MYO3B: variants seen among roughly 807,000 people sequenced by gnomAD.
MYO3B encodes the protein myosin IIIB.
MYO3B carries 156 observed loss-of-function variants against 174.6 expected under a neutral mutation model. That is an observed-to-expected ratio of 0.89 (90% CI 0.78 to 1.02). The LOEUF (loss-of-function observed/expected upper bound fraction) is 1.02, where lower values mean the gene tolerates loss of function less well. Ranked by LOEUF, MYO3B falls within the 50% of genes least tolerant of loss-of-function variation. The probability of loss-of-function intolerance (pLI) is 0.00; values close to 1 mark genes in which losing one functional copy is unlikely to be tolerated. For synonymous variants in MYO3B, 563 were observed against 569.1 expected (o/e 0.99, Z 0.15); for missense variants, 1,632 against 1,639.4 (o/e 1.00, Z 0.08).
intron 7 of MYO3B, among the ~76,000 whole-genome samples, chr2:170,263,909 A>G (rs907105323): frequency 6.6e-6 from 1 of 152,164 alleles, no homozygotes; most frequent in Non-Finnish European, 1.5e-5. Flanking sequence ...CCGTGAGGCC[A>G]TATCTCAGGC....
chr2:170,557,955 G>C (rs1225863731), intron 32 of MYO3B, among the ~76,000 whole-genome samples: 1 of 151,806 alleles, frequency 6.6e-6, no homozygotes, highest in Non-Finnish European at 1.5e-5. Context: ...GTTATTTTTG[G>C]TTTTGCCTTT....
At chr2:170,275,577 A>G (rs578256149) in intron 7 of MYO3B, among the ~76,000 whole-genome samples, 8 of 152,322 alleles carry the variant, frequency 5.3e-5, no homozygotes, top group African/African-American at 1.4e-4. Flanking sequence ...GCTGAGTACT[A>G]GCTTACTTTA....
In MYO3B at chr2:170,401,656, C is replaced by T. The variant is rs1226580394; in HGVS notation, c.2094C>T (p.Arg698=). The change falls in exon 18 of 35, where the codon CGC becomes CGT. Residue 698 remains arginine (R), a synonymous_variant. Coordinates refer to ENST00000408978, the MANE Select transcript of MYO3B (RefSeq NM_138995.5). ...YGRLFSWIVN[R]INTLLQPDEN... ...GGCTCTTCAGCTGGATTGTGAATCG[C>T]ATTAATACACTCCTGCAGCCAGACG... The T allele has an allele frequency of 6.2e-7, 1 of 1,613,936 alleles. No individual in the cohort carries two copies. The highest frequency in any genetic ancestry group is 8.5e-7 in the Non-Finnish European group (1 of 1,180,030).
chr2:170,612,569 T>C (rs1280360102), intron 32 of MYO3B, among the ~76,000 whole-genome samples: 3 of 152,114 alleles, frequency 2.0e-5, no homozygotes, highest in African/African-American at 7.2e-5. Context: ...GAATAAGCAC[T>C]GAATAAAATC....
At chr2:170,404,971 C>A (rs1191461668) in intron 20 of MYO3B, among the ~76,000 whole-genome samples, 1 of 152,228 alleles carries the variant, frequency 6.6e-6, no homozygotes, top group Non-Finnish European at 1.5e-5. Context: ...TTTTTCACAA[C>A]CTTTGTTCCT....
At chr2:170,621,913 T>G (rs1695953656) in intron 32 of MYO3B, among the ~76,000 whole-genome samples, 1 of 152,180 alleles carries the variant, frequency 6.6e-6, no homozygotes, top group African/African-American at 2.4e-5. Flanking sequence ...TTTTCCCACC[T>G]GTCCCCTAGA....
intron 30 of MYO3B, among the ~76,000 whole-genome samples, chr2:170,536,870 C>T (rs948853613): frequency 1.3e-5 from 2 of 151,918 alleles, no homozygotes; most frequent in African/African-American, 4.8e-5. Context: ...CTGAAACTTG[C>T]CTCCCTCAAG....
intron 3 of MYO3B, among the ~76,000 whole-genome samples, chr2:170,207,541 G>A (rs755043461): frequency 2.3e-4 from 35 of 152,046 alleles, no homozygotes; most frequent in Admixed American, 7.2e-4. Flanking sequence ...TCCCCTGAGC[G>A]CAATCCTAAG....
At chr2:170,202,600 C>T (rs966242620) in intron 3 of MYO3B, among the ~76,000 whole-genome samples, 1 of 152,166 alleles carries the variant, frequency 6.6e-6, no homozygotes, top group East Asian at 1.9e-4. Flanking sequence ...TTTTCTTTCA[C>T]CATGTGCAGC....
At chr2:170,211,522 A>C (rs556640360) in intron 3 of MYO3B, among the ~76,000 whole-genome samples, 8 of 151,942 alleles carry the variant, frequency 5.3e-5, no homozygotes, top group African/African-American at 1.5e-4. Flanking sequence ...GTATTTTCGA[A>C]GGGGATAAGG....
intron 8 of MYO3B, among the ~76,000 whole-genome samples, chr2:170,335,932 A>C (rs1020597297): frequency 2.5e-4 from 38 of 152,168 alleles, no homozygotes; most frequent in Admixed American, 1.9e-3. Flanking sequence ...TACCAAGGTA[A>C]GGTATCCCAG....
chr2:170,525,489 T>A (rs1193129306), intron 30 of MYO3B, among the ~76,000 whole-genome samples: 1 of 152,168 alleles, frequency 6.6e-6, no homozygotes, highest in Non-Finnish European at 1.5e-5. Context: ...GCTAGCCTGT[T>A]TTTGTGTAAA....
At chr2:170,239,294 G>T (rs1017842302) in intron 7 of MYO3B, among the ~76,000 whole-genome samples, 4 of 152,174 alleles carry the variant, frequency 2.6e-5, no homozygotes, top group Non-Finnish European at 4.4e-5. Context: ...AGATATAATT[G>T]CAAGAATCAA....
chr2:170,214,583 T>C, intron 4 of MYO3B, 100 bp downstream of exon 4: 1 of 1,344,688 alleles, frequency 7.4e-7, no homozygotes, highest in South Asian at 1.2e-5. Flanking sequence ...TGCCCTATGA[T>C]ATGCAAGGAT....
intron 7 of MYO3B, among the ~76,000 whole-genome samples, chr2:170,246,865 G>T (rs1488657378): frequency 6.6e-6 from 1 of 152,076 alleles, no homozygotes; most frequent in Non-Finnish European, 1.5e-5. Context: ...AATGCGGGGA[G>T]GGAGGGAGGT....
At chr2:170,330,739 A>C (rs1244147864) in intron 7 of MYO3B, among the ~76,000 whole-genome samples, 1 of 152,214 alleles carries the variant, frequency 6.6e-6, no homozygotes, top group African/African-American at 2.4e-5. Context: ...GGACCTGGCG[A>C]CATTTGGGCT....
chr2:170,405,575 ACTT>A lies in MYO3B; in HGVS notation c.2465_2467del (p.Phe822del). 1 of 1,614,206 alleles carries A rather than the reference ACTT, an allele frequency of 6.2e-7. No individual in the cohort carries two copies. Among genetic ancestry groups the A allele is most frequent in the Non-Finnish European group, 8.5e-7 (1 of 1,180,020 alleles). On this transcript the variant is annotated inframe_deletion, in exon 21 of 35. Coordinates refer to ENST00000408978, the MANE Select transcript of MYO3B (RefSeq NM_138995.5). ...TTTGAAGATAATCTACGATGCAAAT[ACTT>A]CTGGAGGCCCAAAGGAGTGGAACTG...
At chr2:170,631,526 T>C (rs919224552) in intron 32 of MYO3B, among the ~76,000 whole-genome samples, 7 of 151,768 alleles carry the variant, frequency 4.6e-5, no homozygotes, top group African/African-American at 1.7e-4. Flanking sequence ...CAGGCCAACA[T>C]TCAAATTCAG....
Position 170,215,191 on chromosome 2 carries a change from C to T in MYO3B, c.526+363C>T, listed in dbSNP as rs544206621. ...ATATGAAAAGAGAAAGCAGTTTGGTCTTTCAAATGACTTTCACTAGCCTTA... is the reference window on the plus strand; with the variant it reads ...ATATGAAAAGAGAAAGCAGTTTGGTTTTTCAAATGACTTTCACTAGCCTTA... On this transcript the variant is annotated intron_variant, in intron 5 of 34. Transcript: ENST00000408978. Among the ~76,000 whole-genome samples, 16 of 152,334 alleles carry T rather than the reference C, an allele frequency of 1.1e-4. 1 individual carries two copies. The South Asian group carries it at 3.3e-3, about 32-fold the overall frequency.
Sources: allele counts gnomAD v4.1 joint callset (sites outside exome capture counted in the v4.1 genomes callset), GRCh38; gene constraint gnomAD v4.1.1; transcripts MANE v1.5; gene names NCBI Gene and HGNC (gene_info 2026-07-23, HGNC 2026-07-21).